LRP1B: variants seen among roughly 807,000 people sequenced by gnomAD.
LRP1B encodes LDL receptor related protein 1B.
A neutral mutation model predicts 556.6 loss-of-function variants in LRP1B; 217 were observed. That is an observed-to-expected ratio of 0.39 (90% CI 0.35 to 0.44). LRP1B has a LOEUF of 0.44. Among genes scored for constraint, LRP1B ranks in the 20% least tolerant of loss-of-function variants. The probability of loss-of-function intolerance (pLI) is 1.00; values close to 1 mark genes in which losing one functional copy is unlikely to be tolerated. For missense variants in LRP1B, 5,053 were observed against 5,620.8 expected (o/e 0.90, Z 3.23); for synonymous variants, 2,047 against 1,865.8 (o/e 1.10, Z -2.50).
At chr2:142,005,597 T>C (rs1456920320) in intron 1 of LRP1B, among the ~76,000 whole-genome samples, 1 of 152,230 alleles carries the variant, frequency 6.6e-6, no homozygotes, top group Non-Finnish European at 1.5e-5. Flanking sequence ...ATTGTATTCA[T>C]GTAATGATGA....
In LRP1B at chr2:140,274,024, C is replaced by G. The variant is rs544688937; in HGVS notation, c.13142+400G>C. 1.1e-4 allele frequency among the ~76,000 whole-genome samples: 17 copies of G among 152,092 alleles called. 1 individual carries two copies. In the South Asian group the frequency reaches 3.5e-3, roughly 31 times the overall value. Reference sequence around the variant, plus strand: ...GTCTTTTGCTCCTCCTTCAACAAATCAATTTGCAACAGAAAAGCAAACCTA... The same window carrying G: ...GTCTTTTGCTCCTCCTTCAACAAATGAATTTGCAACAGAAAAGCAAACCTA... On this transcript the variant is annotated intron_variant, in intron 85 of 90. Coordinates refer to ENST00000389484, the MANE Select transcript of LRP1B (RefSeq NM_018557.3).
At chr2:140,612,931 G>T (rs1193047444) in intron 41 of LRP1B, among the ~76,000 whole-genome samples, 1 of 151,812 alleles carries the variant, frequency 6.6e-6, no homozygotes, top group Non-Finnish European at 1.5e-5. Context: ...TTGGCATTTT[G>T]CTCTTTCTGA....
intron 11 of LRP1B, among the ~76,000 whole-genome samples, chr2:141,022,325 TA>T (rs1318376350): frequency 1.3e-5 from 2 of 151,742 alleles, no homozygotes; most frequent in African/African-American, 4.8e-5. Context: ...TGATAATGAA[TA>T]AAAATTTAAA....
At chr2:141,292,444 T>C (rs1057363295) in intron 3 of LRP1B, among the ~76,000 whole-genome samples, 3 of 151,894 alleles carry the variant, frequency 2.0e-5, no homozygotes, top group Non-Finnish European at 4.4e-5. Context: ...ATAATAATGG[T>C]AGCTGGGGAA....
intron 14 of LRP1B, among the ~76,000 whole-genome samples, chr2:141,011,462 C>T (rs1160629654): frequency 6.6e-6 from 1 of 151,962 alleles, no homozygotes; most frequent in Non-Finnish European, 1.5e-5. Flanking sequence ...ATCAATGTCT[C>T]TTGACTGAGA....
rs192713320 is a variant in LRP1B at position 140,991,147 on chromosome 2, C to T, written c.2645-1490G>A. 3.4e-3 allele frequency among the ~76,000 whole-genome samples: 517 copies of T among 151,982 alleles called. 2 individuals carry two copies. The highest frequency in any genetic ancestry group is 3.6e-3 in the Non-Finnish European group (246 of 67,976). On this transcript the variant is annotated intron_variant, in intron 16 of 90. Coordinates refer to ENST00000389484, the MANE Select transcript of LRP1B (RefSeq NM_018557.3). ...CAGGGACTTTAGCAAGAATAAATGC[C>T]GAGAGAAATATAAGTCATCTGATGT...
chr2:141,651,674 A>T (rs1047588657), intron 2 of LRP1B, among the ~76,000 whole-genome samples: 1 of 152,220 alleles, frequency 6.6e-6, no homozygotes, highest in African/African-American at 2.4e-5. Flanking sequence ...TTAAAAAATA[A>T]TAATGATAAT....
intron 18 of LRP1B, among the ~76,000 whole-genome samples, chr2:140,956,102 A>T (rs1282633489): frequency 1.3e-5 from 2 of 151,752 alleles, no homozygotes; most frequent in Non-Finnish European, 3.0e-5. Flanking sequence ...TGAAAAAGAC[A>T]ATAATAAACA....
At chr2:141,505,237 TCTC>T (rs66616310) in intron 2 of LRP1B, among the ~76,000 whole-genome samples, 59,439 of 151,254 alleles carry the variant, frequency 0.39, 12,173 homozygotes, top group Non-Finnish European at 0.45. Flanking sequence ...TATTCTTTGA[TCTC>T]CTGCTCCCTG....
At chr2:141,298,893 G>A (rs940225698) in intron 3 of LRP1B, among the ~76,000 whole-genome samples, 1 of 149,968 alleles carries the variant, frequency 6.7e-6, no homozygotes. Context: ...GGCAGAGGTT[G>A]CAGTGAGCCA....
At chr2:141,615,759 G>C (rs1268491170) in intron 2 of LRP1B, among the ~76,000 whole-genome samples, 3 of 152,124 alleles carry the variant, frequency 2.0e-5, no homozygotes, top group African/African-American at 4.8e-5. Context: ...AGAAAGAACA[G>C]GGAGATACAA....
chr2:141,490,403 TCTG>T (rs887112799), intron 2 of LRP1B, among the ~76,000 whole-genome samples: 3 of 92,570 alleles, frequency 3.2e-5, no homozygotes, highest in Admixed American at 1.2e-4. Flanking sequence ...GTGTGTGTTT[TCTG>T]CTAACTTTAG....
intron 41 of LRP1B, chr2:140,683,312 C>T: frequency 2.3e-6 from 1 of 430,208 alleles, no homozygotes; most frequent in Non-Finnish European, 4.5e-6. Context: ...GAAAAGAGAT[C>T]TTGACCTGGA....
intron 1 of LRP1B, among the ~76,000 whole-genome samples, chr2:142,009,609 G>A (rs988496177): frequency 3.3e-5 from 5 of 152,074 alleles, no homozygotes; most frequent in South Asian, 2.1e-4. Context: ...GGAAGCACAC[G>A]CCGATATATC....
intron 8 of LRP1B, 54 bp from the exon 9 acceptor site, chr2:141,059,108 G>T: frequency 8.5e-7 from 1 of 1,173,938 alleles, no homozygotes; most frequent in Non-Finnish European, 1.2e-6. Flanking sequence ...CTTGCAATTT[G>T]AAAGAAAAGC....
At chr2:140,491,903 G>A (rs1248075915) in intron 57 of LRP1B, among the ~76,000 whole-genome samples, 4 of 152,264 alleles carry the variant, frequency 2.6e-5, no homozygotes, top group Non-Finnish European at 1.5e-5. Context: ...AGGATAAGGC[G>A]AGTGTACATG....
At chr2:140,950,492 G>T in intron 19 of LRP1B, 90 bp from the exon 20 acceptor site, 2 of 1,121,304 alleles carry the variant, frequency 1.8e-6, no homozygotes, top group Non-Finnish European at 2.5e-6. Flanking sequence ...TGTTGTTGTT[G>T]TTGTTTTTTG....
chr2:141,368,316 C>T (rs1185549943), intron 3 of LRP1B, among the ~76,000 whole-genome samples: 1 of 152,004 alleles, frequency 6.6e-6, no homozygotes, highest in African/African-American at 2.4e-5. Context: ...TGAGGCCTTC[C>T]TGGAAGTGTA....
At chr2:141,871,633 C>T (rs1698590414) in intron 1 of LRP1B, among the ~76,000 whole-genome samples, 1 of 151,892 alleles carries the variant, frequency 6.6e-6, no homozygotes, top group South Asian at 2.1e-4. Context: ...ATAAGTGGTT[C>T]TCAGTACATG....
Sources: allele counts gnomAD v4.1 joint callset (sites outside exome capture counted in the v4.1 genomes callset), GRCh38; gene constraint gnomAD v4.1.1; transcripts MANE v1.5; gene names NCBI Gene and HGNC (gene_info 2026-07-23, HGNC 2026-07-21).